The following SDK2 variants were observed in gnomAD, a reference collection of about 807,000 sequenced individuals.
The protein encoded by SDK2 is protein sidekick-2.
Under a neutral mutation model 253.9 loss-of-function variants are expected in SDK2, and 105 were observed. The observed-to-expected ratio is 0.41, with a 90% CI of 0.35 to 0.49. The LOEUF (loss-of-function observed/expected upper bound fraction) is 0.49, where lower values mean the gene tolerates loss of function less well. Among genes scored for constraint, SDK2 ranks in the 20% least tolerant of loss-of-function variants. SDK2 has a pLI of 0.06. For synonymous variants in SDK2, 1,249 were observed against 1,234.9 expected, an observed-to-expected ratio of 1.01 and a Z score of -0.24; for missense variants, 2,608 against 3,003.0, an observed-to-expected ratio of 0.87 and a Z score of 3.07.
rs569093917 is a variant in SDK2 at position 73,438,252 on chromosome 17, G to A, written c.726-98C>T. 7.6e-6 allele frequency: 9 copies of A among 1,182,074 alleles called. No homozygotes were observed. The Admixed American group carries it at 7.9e-5, about 10-fold the overall frequency. The allele number at this position is 1,182,074 out of a possible 1,614,324, so 73.2% of individuals were successfully genotyped here. A position where few individuals can be genotyped will look rare whatever the true frequency, so the allele number is the denominator to read the frequency against. On this transcript the variant is annotated intron_variant, in intron 6 of 44. Coordinates refer to ENST00000392650, the MANE Select transcript of SDK2 (RefSeq NM_001144952.2). ...GGTAAGGAGTGTGGGCTTGGGAGCC[G>A]GGCTGCCTGGGTTTGCCACCTTCCT...
intron 2 of SDK2, among the ~76,000 whole-genome samples, chr17:73,478,889 C>T (rs2063703918): frequency 1.3e-5 from 2 of 152,262 alleles, no homozygotes; most frequent in South Asian, 4.1e-4. Flanking sequence ...CGCGGTGATG[C>T]TCCCATGGAG....
At chr17:73,497,076 T>C (rs996849436) in intron 2 of SDK2, among the ~76,000 whole-genome samples, 2 of 152,308 alleles carry the variant, frequency 1.3e-5, no homozygotes, top group Non-Finnish European at 2.9e-5. Flanking sequence ...TTTGTATTTT[T>C]AGTAGAGACG....
chr17:73,555,675 G>T (rs978682375), intron 1 of SDK2, among the ~76,000 whole-genome samples: 6 of 152,228 alleles, frequency 3.9e-5, no homozygotes, highest in Non-Finnish European at 8.8e-5. Context: ...GGGCCCAGGT[G>T]GGGGTAGAGG....
intron 2 of SDK2, among the ~76,000 whole-genome samples, chr17:73,478,298 C>T (rs189160000): frequency 5.3e-4 from 81 of 152,312 alleles, no homozygotes; most frequent in Middle Eastern, 6.8e-3. Flanking sequence ...GGAGCTTCCT[C>T]GGGCTTTTTG....
At chr17:73,419,443 C>G in intron 15 of SDK2, 137 bp from the exon 16 acceptor site, 1 of 872,264 alleles carries the variant, frequency 1.1e-6, no homozygotes, top group Non-Finnish European at 1.8e-6. Context: ...GGCAAGTTAC[C>G]TGACTTCTCT....
At chr17:73,585,772 A>C (rs2145889858) in intron 1 of SDK2, among the ~76,000 whole-genome samples, 1 of 152,276 alleles carries the variant, frequency 6.6e-6, no homozygotes, top group East Asian at 1.9e-4. Flanking sequence ...ACCAGAAGGG[A>C]CTTAGGAGCC....
rs2145644647 is a variant in SDK2 at position 73,447,726 on chromosome 17, G to A, written c.502C>T (p.Leu168Phe). Residue 168 changes from leucine (L) to phenylalanine (F), a missense_variant, in exon 5 of 45, where the codon CTT (leucine) becomes TTT (phenylalanine). By Grantham distance (22) the Leu-to-Phe change is conservative. Transcript: ENST00000392650. The surrounding 1 kb of genome is among the most constrained non-coding windows in gnomAD (Gnocchi z 4.0). The part of the protein sequence containing the change: ...SRIAITLENT[L>F]VILSTVAPDA... ...GGGGCCACCGTTGACAGGATGACAAGGGTGTTCTCCAGCGTGATGGCTCTG... is the reference window on the plus strand; with the variant it reads ...GGGGCCACCGTTGACAGGATGACAAAGGTGTTCTCCAGCGTGATGGCTCTG... The A allele has an allele frequency of 6.4e-7, 1 of 1,551,748 alleles. No individual in the cohort carries two copies. Among genetic ancestry groups the A allele is most frequent in the Non-Finnish European group, 8.7e-7 (1 of 1,147,002 alleles).
rs753615272 is a variant in SDK2 at position 73,423,512 on chromosome 17, G to A, written c.1771C>T (p.His591Tyr). ...GTGGCCACTGGGTGCTCGGGCGCGT[G>A]GGGCAGTTGCCTGGAAAAGAGACAC... ...SAHLRVRQLP[H>Y]APEHPVATLS... The change falls in exon 14 of 45, where the codon CAC becomes TAC. Residue 591 changes from histidine to tyrosine, a missense_variant. Physicochemically the swap from His to Tyr is moderately conservative, Grantham distance 83. Around this residue, in one of 2 missense-constraint regions of SDK2, gnomAD observed 1,505 missense variants for 1,859.1 expected, o/e 0.81. Transcript: ENST00000392650. The A allele has an allele frequency of 1.3e-6, 2 of 1,561,460 alleles. No individual in the cohort carries two copies. The highest frequency in any genetic ancestry group is 8.7e-7 in the Non-Finnish European group (1 of 1,151,030).
At chr17:73,578,060 CTT>C (rs34300652) in intron 1 of SDK2, among the ~76,000 whole-genome samples, 275 of 138,944 alleles carry the variant, frequency 2.0e-3, no homozygotes, top group African/African-American at 5.5e-3. Flanking sequence ...CTATGGACAT[CTT>C]TTTTTTTTTT....
intron 39 of SDK2, among the ~76,000 whole-genome samples, chr17:73,360,415 C>T (rs1319416678): frequency 1.3e-5 from 2 of 152,130 alleles, no homozygotes; most frequent in African/African-American, 4.8e-5. Context: ...GAGGCCTGCG[C>T]CATTCTTGGC....
At chr17:73,357,303 A>G (rs919136039) in intron 40 of SDK2, 15 of 152,582 alleles carry the variant, frequency 9.8e-5, no homozygotes, top group African/African-American at 3.6e-4. Context: ...AGTACTAGCT[A>G]CCGAGATGCC....
chr17:73,401,890 C>A lies in SDK2; in HGVS notation c.2680+56G>T, dbSNP rs1241076947. The A allele has an allele frequency of 2.8e-6, 4 of 1,446,240 alleles. No individual in the cohort carries two copies. In the East Asian group the frequency reaches 9.7e-5, roughly 35 times the overall value. The allele number at this position is 1,446,240 out of a possible 1,614,324, so 89.6% of individuals were successfully genotyped here. On this transcript the variant is annotated intron_variant, in intron 19 of 44. Coordinates refer to ENST00000392650, the MANE Select transcript of SDK2 (RefSeq NM_001144952.2). ...CTGGGCCACCCTTCTGCCTGGGGCG[C>A]CCAGCCTGGCCTTGGGCGGGGGGGG...
intron 37 of SDK2, among the ~76,000 whole-genome samples, chr17:73,366,095 A>G (rs978889429): frequency 6.6e-6 from 1 of 152,154 alleles, no homozygotes; most frequent in African/African-American, 2.4e-5. Context: ...TGACCAGGCT[A>G]TTATTGTCCG....
Position 73,435,421 on chromosome 17 carries a change from C to T in SDK2, c.1195+29G>A, listed in dbSNP as rs764841203. The stretch of plus-strand genomic sequence containing the variant: ...GCTGCGTCCTGGGAAGAGGGGCTCA[C>T]GGGCAGCACAAGGGAAGGCCCAACT... On this transcript the variant is annotated intron_variant, in intron 9 of 44. Transcript: ENST00000392650. The surrounding 1 kb of genome is among the most constrained non-coding windows in gnomAD (Gnocchi z 5.7). The T allele has an allele frequency of 4.6e-5, 72 of 1,552,498 alleles. No individual in the cohort carries two copies. The highest frequency in any genetic ancestry group is 3.4e-4 in the Middle Eastern group (2 of 5,956).
chr17:73,367,393 C>T (rs929063735), intron 37 of SDK2, among the ~76,000 whole-genome samples: 4 of 152,186 alleles, frequency 2.6e-5, no homozygotes, highest in African/African-American at 4.8e-5. Context: ...GCTTTCTCTG[C>T]GTTCCCGGGT....
intron 1 of SDK2, among the ~76,000 whole-genome samples, chr17:73,596,349 C>T (rs2045758023): frequency 6.6e-6 from 1 of 152,136 alleles, no homozygotes; most frequent in Non-Finnish European, 1.5e-5. Flanking sequence ...GAGGAAGCCT[C>T]CTCCCCTCCC....
intron 1 of SDK2, among the ~76,000 whole-genome samples, chr17:73,555,462 G>A (rs1007162355): frequency 1.3e-5 from 2 of 152,242 alleles, no homozygotes; most frequent in African/African-American, 2.4e-5. Flanking sequence ...TCTATGTACT[G>A]AGGATGCTGA....
At chr17:73,500,616 A>C in intron 2 of SDK2, among the ~76,000 whole-genome samples, 6 of 96,812 alleles carry the variant, frequency 6.2e-5, no homozygotes, top group Admixed American at 2.3e-4. Flanking sequence ...TATCTCCTCC[A>C]TCCTCTCTCC....
intron 2 of SDK2, among the ~76,000 whole-genome samples, chr17:73,506,062 G>T (rs554471929): frequency 6.6e-6 from 1 of 152,378 alleles, no homozygotes; most frequent in South Asian, 2.1e-4. Flanking sequence ...CCAGCCGGAA[G>T]AAGTCAGGGG....
Sources: allele counts gnomAD v4.1 joint callset (sites outside exome capture counted in the v4.1 genomes callset), GRCh38; gene constraint gnomAD v4.1.1; regional missense constraint gnomAD v4.1.1; non-coding constraint Gnocchi (gnomAD v3.1); transcripts MANE v1.5; gene names NCBI Gene and HGNC (gene_info 2026-07-23, HGNC 2026-07-21).